Variants in DOCK9 observed in about 807,000 individuals in gnomAD.
DOCK9 encodes dedicator of cytokinesis protein 9.
DOCK9 carries 89 observed loss-of-function variants against 263.3 expected under a neutral mutation model. The ratio of observed to expected loss-of-function variants is 0.34; its 90% CI spans 0.28 to 0.40. The LOEUF (loss-of-function observed/expected upper bound fraction) is 0.40, where lower values mean the gene tolerates loss of function less well. DOCK9 is among the 10% of genes least tolerant of loss of function. The pLI, the probability that DOCK9 is intolerant of heterozygous loss-of-function variation, is 1.00. For missense variants in DOCK9, 2,140 were observed against 2,603.4 expected (o/e 0.82, Z 3.87); for synonymous variants, 976 against 973.1 (o/e 1.00, Z -0.06).
chr13:99,026,076 CAAAA>C (rs1219581602), intron 1 of DOCK9, among the ~76,000 whole-genome samples: 15 of 27,248 alleles, frequency 5.5e-4, no homozygotes, highest in Admixed American at 3.9e-3. Flanking sequence ...GACTCCGTCT[CAAAA>C]AAAAAAAAAA....
chr13:98,888,771 T>C (rs908719074), intron 15 of DOCK9, 60 bp from the exon 16 acceptor site: 7 of 1,394,668 alleles, frequency 5.0e-6, no homozygotes, highest in Admixed American at 1.8e-5. Context: ...ACCGACACTC[T>C]AGAGCAGCAC....
chr13:98,797,426 G>A lies in DOCK9; in HGVS notation c.5980C>T (p.Pro1994Ser). ...FLDDTNTKRY[P>S]DNKVKLLKEV... ...TTAAGCAGCTTCACTTTATTGTCAG[G>A]ATATCGCTTTGTGTTTGTATCATCT... Residue 1994 changes from proline to serine, a missense_variant, in exon 51 of 53, where the codon CCT becomes TCT. Pro to Ser is a moderately conservative substitution (Grantham distance 74). This residue lies in a region of DOCK9 where 619 missense variants were observed against 861.8 expected (regional missense o/e 0.72). Transcript: ENST00000682017. 6.2e-7 allele frequency: 1 copy of A among 1,613,646 alleles called. No homozygotes were observed. The highest frequency in any genetic ancestry group is 8.5e-7 in the Non-Finnish European group (1 of 1,179,762).
intron 1 of DOCK9, among the ~76,000 whole-genome samples, chr13:99,003,106 C>A (rs1174357350): frequency 6.6e-6 from 1 of 152,142 alleles, no homozygotes; most frequent in Non-Finnish European, 1.5e-5. Context: ...CCCTTCCAGG[C>A]CAAGGGGATA....
Position 98,883,908 on chromosome 13 carries a change from A to T in DOCK9, c.2383-9T>A. The T allele has an allele frequency of 1.3e-6, 2 of 1,591,080 alleles. No homozygotes were observed. The highest frequency in any genetic ancestry group is 1.7e-6 in the Non-Finnish European group (2 of 1,165,196). Reference sequence around the variant, plus strand: ...ATTTCCGGACCATAATGCTAAAAAAAATATGGAAGAAACAATATCCCTACA... The same window carrying T: ...ATTTCCGGACCATAATGCTAAAAAATATATGGAAGAAACAATATCCCTACA... On this transcript the variant is annotated splice_polypyrimidine_tract_variant and intron_variant, in intron 21 of 52. Coordinates refer to ENST00000682017, the MANE Select transcript of DOCK9 (RefSeq NM_001366683.2).
intron 13 of DOCK9, among the ~76,000 whole-genome samples, chr13:98,900,441 T>G (rs963137590): frequency 6.6e-5 from 10 of 152,162 alleles, no homozygotes; most frequent in Non-Finnish European, 2.9e-5. Flanking sequence ...ATCCAAGGTT[T>G]TACAGACTTG....
At position 98,977,976 on chromosome 13, in the gene DOCK9, G is replaced by C; in HGVS notation, c.-67C>G. 1 of 1,511,278 alleles carries C rather than the reference G, an allele frequency of 6.6e-7. No homozygotes were observed. The highest frequency in any genetic ancestry group is 2.5e-5 in the East Asian group (1 of 40,570). The allele number at this position is 1,511,278 out of a possible 1,614,324, so 93.6% of individuals were successfully genotyped here. A position where few individuals can be genotyped will look rare whatever the true frequency, so the allele number is the denominator to read the frequency against. On this transcript the variant is annotated 5_prime_UTR_variant, in exon 1 of 53. Transcript: ENST00000682017. Reference sequence around the variant, plus strand: ...AGCTGCGAGTCCCTGGCCGTGCAAGGCACAGGCATGCCAGTGGTCCAAGGA... The same window carrying C: ...AGCTGCGAGTCCCTGGCCGTGCAAGCCACAGGCATGCCAGTGGTCCAAGGA...
intron 20 of DOCK9, 190 bp downstream of exon 20, chr13:98,885,518 C>T: frequency 1.9e-6 from 1 of 522,582 alleles, no homozygotes; most frequent in Non-Finnish European, 3.1e-6. Context: ...GGTGGAAGGA[C>T]AGCTTGAGCT....
chr13:98,922,257 C>T, intron 5 of DOCK9, 111 bp from the exon 6 acceptor site: 2 of 720,832 alleles, frequency 2.8e-6, no homozygotes, highest in Non-Finnish European at 4.7e-6. Context: ...TGTCCATTGC[C>T]CCTTTACTGA....
intron 14 of DOCK9, 133 bp downstream of exon 14, chr13:98,898,046 A>G (rs1354534270): frequency 6.0e-6 from 4 of 670,886 alleles, no homozygotes. Context: ...TTTTTTCAAA[A>G]TCTGGGCTTA....
At chr13:98,934,085 TG>T (rs1422814787) in intron 2 of DOCK9, among the ~76,000 whole-genome samples, 1 of 150,412 alleles carries the variant, frequency 6.6e-6, no homozygotes, top group Non-Finnish European at 1.5e-5. Flanking sequence ...TTTGGAGAGA[TG>T]GGGGCGGGGG....
intron 30 of DOCK9, among the ~76,000 whole-genome samples, chr13:98,863,985 A>G (rs955687234): frequency 6.6e-6 from 1 of 152,248 alleles, no homozygotes. Context: ...TAATAAACAT[A>G]CATGGCTCAT....
rs767751777 is a variant in DOCK9 at position 98,829,887 on chromosome 13, C to T, written c.4636-131G>A. 3.1e-5 allele frequency: 21 copies of T among 687,732 alleles called. 1 individual carries two copies. The highest frequency in any genetic ancestry group is 8.2e-5 in the East Asian group (3 of 36,774). The allele number at this position is 687,732 out of a possible 1,614,324, so 42.6% of individuals were successfully genotyped here. ...GTTGGGGGGTGCTTTGAGCAGGGGTCGCTCCGTGTAGGAAACAATGTCTGA... is the reference window on the plus strand; with the variant it reads ...GTTGGGGGGTGCTTTGAGCAGGGGTTGCTCCGTGTAGGAAACAATGTCTGA... On this transcript the variant is annotated intron_variant, in intron 41 of 52. Coordinates refer to ENST00000682017, the MANE Select transcript of DOCK9 (RefSeq NM_001366683.2). This position sits in a 1 kb window ranked among gnomAD's most constrained non-coding sequence, Gnocchi z 4.1.
Position 98,793,813 on chromosome 13 carries a change from T to C in DOCK9, c.*813A>G, listed in dbSNP as rs2089000948. 1 of 152,640 alleles carries C rather than the reference T, an allele frequency of 6.6e-6. No homozygotes were observed. Among genetic ancestry groups the C allele is most frequent in the African/African-American group, 2.4e-5 (1 of 41,456 alleles). The allele number at this position is 152,640 out of a possible 1,614,324, so 9.5% of individuals were successfully genotyped here. On this transcript the variant is annotated 3_prime_UTR_variant, in exon 53 of 53. Coordinates refer to ENST00000682017, the MANE Select transcript of DOCK9 (RefSeq NM_001366683.2). ...TACAAGAATAAAACATTAAAGTGTA[T>C]TGCATATACTGGAACAGCACAAATT...
chr13:98,887,143 A>ATT lies in DOCK9; in HGVS notation c.2044-521_2044-520dup, dbSNP rs58434344. On this transcript the variant is annotated intron_variant, in intron 18 of 52. Coordinates refer to ENST00000682017, the MANE Select transcript of DOCK9 (RefSeq NM_001366683.2). ...CTATATTTTATATATATATATATAT[A>ATT]TTTTTTTTTTTTTTTTTTTTTTTTG... Among the ~76,000 whole-genome samples, 883 of 94,846 alleles carry ATT rather than the reference A, an allele frequency of 9.3e-3. 11 individuals carry two copies. The highest frequency in any genetic ancestry group is 0.013 in the Non-Finnish European group (664 of 49,316). 62.2% of individuals were successfully genotyped at this position (94,846 alleles called of 152,430 possible). A position where few individuals can be genotyped will look rare whatever the true frequency, so the allele number is the denominator to read the frequency against.
Position 98,846,033 on chromosome 13 carries a change from A to C in DOCK9, c.4089T>G (p.Val1363=). The C allele has an allele frequency of 6.3e-7, 1 of 1,592,732 alleles. No homozygotes were observed. The highest frequency in any genetic ancestry group is 1.1e-5 in the South Asian group (1 of 87,600). The change falls in exon 38 of 53, where the codon GTT becomes GTG. Residue 1363 remains valine, a synonymous_variant. Coordinates refer to ENST00000682017, the MANE Select transcript of DOCK9 (RefSeq NM_001366683.2). ...GCAATGTCTGAGACTTTCGATCATG[A>C]ACTATGGGTCCCAACCCCTCCTGGT... ...ARNQEGLGPI[V]HDRKSQTLPV...
At chr13:98,921,170 T>C (rs1432554367) in intron 6 of DOCK9, 82 bp from the exon 7 acceptor site, 2 of 1,383,594 alleles carry the variant, frequency 1.4e-6, no homozygotes, top group Non-Finnish European at 1.9e-6. Context: ...TATGACTACA[T>C]ACATACATAA....
intron 27 of DOCK9, among the ~76,000 whole-genome samples, chr13:98,878,598 G>T (rs1230852099): frequency 6.6e-6 from 1 of 152,236 alleles, no homozygotes; most frequent in East Asian, 1.9e-4. Context: ...CAATCTGCTA[G>T]ATTTTTCCTT....
chr13:99,075,985 T>G (rs1343007913), intron 1 of DOCK9, among the ~76,000 whole-genome samples: 1 of 152,170 alleles, frequency 6.6e-6, no homozygotes, highest in Non-Finnish European at 1.5e-5. Context: ...AAGCGCTATC[T>G]TAATTATCTT....
chr13:98,894,870 A>G (rs1196238810), intron 15 of DOCK9, among the ~76,000 whole-genome samples: 1 of 149,782 alleles, frequency 6.7e-6, no homozygotes, highest in Non-Finnish European at 1.5e-5. Context: ...GCACTTTGGG[A>G]AGCTGAGGCG....
Sources: gnomAD v4.1 joint callset for allele counts (sites outside exome capture counted in the v4.1 genomes callset) on GRCh38, gnomAD v4.1.1 for gene constraint, gnomAD v4.1.1 regional missense constraint, Gnocchi (gnomAD v3.1) non-coding constraint, MANE v1.5 for transcripts, NCBI Gene and HGNC (gene_info 2026-07-23, HGNC 2026-07-21) for gene names.